LRCH3: variants seen among roughly 807,000 people sequenced by gnomAD.
The protein encoded by LRCH3 is leucine rich repeats and calponin homology domain containing 3, also known as DISP complex protein LRCH3.
LRCH3 carries 68 observed loss-of-function variants against 104.5 expected under a neutral mutation model. That is an observed-to-expected ratio of 0.65 (90% CI 0.54 to 0.80). The LOEUF (loss-of-function observed/expected upper bound fraction) is 0.80. LRCH3 is among the 30% of genes least tolerant of loss of function. The probability of loss-of-function intolerance (pLI) is 0.00; values close to 1 mark genes in which losing one functional copy is unlikely to be tolerated. For missense variants in LRCH3, 951 were observed against 953.9 expected (o/e 1.00, Z 0.04); for synonymous variants, 344 against 361.3 (o/e 0.95, Z 0.54).
At chr3:197,837,340 T>TA (rs542524615) in intron 9 of LRCH3, among the ~76,000 whole-genome samples, 102 of 152,284 alleles carry the variant, frequency 6.7e-4, no homozygotes, top group Admixed American at 2.4e-3. Context: ...TATACTACTA[T>TA]AAAAAAATAG....
intron 15 of LRCH3, chr3:197,859,434 C>A (rs1740632272): frequency 6.5e-6 from 1 of 154,136 alleles, no homozygotes; most frequent in African/African-American, 2.4e-5. Context: ...CATCATATAC[C>A]TACAAGCCTA....
intron 15 of LRCH3, 187 bp downstream of exon 15, chr3:197,859,092 G>T: frequency 1.7e-6 from 1 of 582,826 alleles, no homozygotes; most frequent in Non-Finnish European, 3.1e-6. Context: ...GCTAGAGATA[G>T]TCATAGAGCT....
chr3:197,810,729 G>GA lies in LRCH3; in HGVS notation c.263-4171dup, dbSNP rs984928134. Among the ~76,000 whole-genome samples, 8 of 150,946 alleles carry GA rather than the reference G, an allele frequency of 5.3e-5. No homozygotes were observed. Among genetic ancestry groups the GA allele is most frequent in the East Asian group, 1.9e-4 (1 of 5,132 alleles). On this transcript the variant is annotated intron_variant, in intron 1 of 20. Transcript: ENST00000425562. The surrounding 1 kb of genome is among the most constrained non-coding windows in gnomAD (Gnocchi z 4.0). ...ATTTAATTTTTTAAATTATTGTGGA[G>GA]AAAAAAAACAGAAAAAGGAAAAAGT...
At chr3:197,857,400 CACTG>C (rs1487181836) in intron 14 of LRCH3, among the ~76,000 whole-genome samples, 8 of 146,946 alleles carry the variant, frequency 5.4e-5, no homozygotes, top group Non-Finnish European at 9.1e-5. Flanking sequence ...ATATCAGTCA[CACTG>C]ACATTCTCTT....
At chr3:197,863,674 T>A (rs577544335) in intron 15 of LRCH3, among the ~76,000 whole-genome samples, 2 of 152,346 alleles carry the variant, frequency 1.3e-5, no homozygotes, top group South Asian at 4.1e-4. Flanking sequence ...TAGGTAAGCT[T>A]TGTAACTGTT....
In LRCH3 at chr3:197,835,634, G is replaced by GGT. The variant is rs372783553; in HGVS notation, c.1103-24_1103-23dup. On this transcript the variant is annotated intron_variant, in intron 8 of 20. Coordinates refer to ENST00000425562, the MANE Select transcript of LRCH3 (RefSeq NM_001365715.1). Reference sequence around the variant, plus strand: ...CTATCTAATTTGAATGTTTTTTTCTGGTGTGTGTGTGTGTGTGGGTGTGTG... The same window carrying GGT: ...CTATCTAATTTGAATGTTTTTTTCTGGTGTGTGTGTGTGTGTGTGGGTGTGTG... The GGT allele has an allele frequency of 0.01, 13,249 of 1,274,842 alleles. 591 individuals carry two copies. The African/African-American group carries it at 0.15, about 14-fold the overall frequency. The allele number at this position is 1,274,842 out of a possible 1,614,324, so 79.0% of individuals were successfully genotyped here. A position where few individuals can be genotyped will look rare whatever the true frequency, so the allele number is the denominator to read the frequency against.
intron 8 of LRCH3, among the ~76,000 whole-genome samples, chr3:197,833,216 G>A (rs1736196440): frequency 6.6e-6 from 1 of 152,046 alleles, no homozygotes; most frequent in South Asian, 2.1e-4. Flanking sequence ...TAATTATTGA[G>A]TATTTGAAAT....
intron 19 of LRCH3, chr3:197,871,668 G>T: frequency 1.8e-6 from 1 of 565,246 alleles, no homozygotes. Flanking sequence ...AGAAAGGCAT[G>T]TACAGTGTGT....
chr3:197,886,510 T>C lies in LRCH3; in HGVS notation c.*2844T>C, dbSNP rs538005087. On this transcript the variant is annotated 3_prime_UTR_variant, in exon 21 of 21. Coordinates refer to ENST00000425562, the MANE Select transcript of LRCH3 (RefSeq NM_001365715.1). Reference sequence around the variant, plus strand: ...AATTTAGCCATGTGCATTTTTAAACTGTGTTTGTCAACATTAAGCCTCAGT... The same window carrying C: ...AATTTAGCCATGTGCATTTTTAAACCGTGTTTGTCAACATTAAGCCTCAGT... The C allele has an allele frequency of 2.6e-5, 4 of 152,340 alleles. No homozygotes were observed. Among genetic ancestry groups the C allele is most frequent in the Admixed American group, 2.6e-4 (4 of 15,292 alleles). 9.4% of individuals were successfully genotyped at this position (152,340 alleles called of 1,614,324 possible).
chr3:197,859,984 A>C (rs1740693352), intron 15 of LRCH3, among the ~76,000 whole-genome samples: 1 of 152,102 alleles, frequency 6.6e-6, no homozygotes, highest in African/African-American at 2.4e-5. Flanking sequence ...GAGCTTGCTC[A>C]TTTAGGGTGA....
chr3:197,803,342 T>C (rs1173261647), intron 1 of LRCH3, among the ~76,000 whole-genome samples: 1 of 152,220 alleles, frequency 6.6e-6, no homozygotes, highest in East Asian at 1.9e-4. Flanking sequence ...GTGTTGTGCA[T>C]AGAATCACCT....
Position 197,885,435 on chromosome 3 carries a change from AC to A in LRCH3, c.*1773del. On this transcript the variant is annotated 3_prime_UTR_variant, in exon 21 of 21. Coordinates refer to ENST00000425562, the MANE Select transcript of LRCH3 (RefSeq NM_001365715.1). The stretch of plus-strand genomic sequence containing the variant: ...AGACCAGCCTGACCAACATGGAGAA[AC>A]CCCGTCTCTACTAAAAATACAAAAT... The A allele has an allele frequency of 6.6e-6, 1 of 151,850 alleles. No individual in the cohort carries two copies. Among genetic ancestry groups the A allele is most frequent in the East Asian group, 1.9e-4 (1 of 5,156 alleles). 9.4% of individuals were successfully genotyped at this position (151,850 alleles called of 1,614,324 possible).
chr3:197,837,068 T>C (rs841674), intron 9 of LRCH3, among the ~76,000 whole-genome samples: 150,153 of 152,230 alleles, frequency 0.99, 74,061 homozygotes, highest in East Asian at 1. Flanking sequence ...TAAAGAGACA[T>C]ACTTGTATTT....
In LRCH3 at chr3:197,880,003, T is replaced by C. The variant is rs1023916548; in HGVS notation, c.2209-3538T>C. 1.9e-4 allele frequency among the ~76,000 whole-genome samples: 29 copies of C among 150,164 alleles called. No individual in the cohort carries two copies. In the East Asian group the frequency reaches 3.1e-3, roughly 16 times the overall value. On this transcript the variant is annotated intron_variant, in intron 20 of 20. Coordinates refer to ENST00000425562, the MANE Select transcript of LRCH3 (RefSeq NM_001365715.1). ...CTCTGTCACCCAGGCTGGAGTGCGG[T>C]GGCGCGATCTCGGCTCACTGCAAGC...
rs901590249 is a variant in LRCH3, at chr3:197,885,256, C to A, written c.*1590C>A. The A allele has an allele frequency of 1.3e-5, 2 of 152,218 alleles. No homozygotes were observed. Among genetic ancestry groups the A allele is most frequent in the African/African-American group, 4.8e-5 (2 of 41,438 alleles). The allele number at this position is 152,218 out of a possible 1,614,324, so 9.4% of individuals were successfully genotyped here. On this transcript the variant is annotated 3_prime_UTR_variant, in exon 21 of 21. Coordinates refer to ENST00000425562, the MANE Select transcript of LRCH3 (RefSeq NM_001365715.1). ...CACATACACTTCTAGCTCGGAAAAGCCTAGTTTCTTGTATTTCTTTCAGGT... is the reference window on the plus strand; with the variant it reads ...CACATACACTTCTAGCTCGGAAAAGACTAGTTTCTTGTATTTCTTTCAGGT...
At chr3:197,808,322 A>G (rs931896135) in intron 1 of LRCH3, among the ~76,000 whole-genome samples, 1 of 152,236 alleles carries the variant, frequency 6.6e-6, no homozygotes, top group Admixed American at 6.5e-5. Flanking sequence ...TCTAGCCTCC[A>G]GAATTTGAGA....
rs988817191 is a variant in LRCH3 at position 197,885,402 on chromosome 3, G to A, written c.*1736G>A. The stretch of plus-strand genomic sequence containing the variant: ...GAGGCGGGCAGATCACCTGAAGTTG[G>A]GAGTTTGAGACCAGCCTGACCAACA... On this transcript the variant is annotated 3_prime_UTR_variant, in exon 21 of 21. Transcript: ENST00000425562. 3 of 152,204 alleles carry A rather than the reference G, an allele frequency of 2.0e-5. No homozygotes were observed. The highest frequency in any genetic ancestry group is 7.2e-5 in the African/African-American group (3 of 41,412). The allele number at this position is 152,204 out of a possible 1,614,324, so 9.4% of individuals were successfully genotyped here.
intron 7 of LRCH3, chr3:197,831,113 CAG>C (rs1371407493): frequency 8.3e-6 from 3 of 361,156 alleles, no homozygotes; most frequent in African/African-American, 6.3e-5. Flanking sequence ...GAAAGGCAAA[CAG>C]GAGCTGAGCC....
chr3:197,855,052 G>A (rs60837154), intron 14 of LRCH3, among the ~76,000 whole-genome samples: 260 of 152,132 alleles, frequency 1.7e-3, no homozygotes, highest in African/African-American at 3.9e-3. Flanking sequence ...TTAGCCTTGC[G>A]AAAGAATTCT....
Sources: allele counts gnomAD v4.1 joint callset (sites outside exome capture counted in the v4.1 genomes callset), GRCh38; gene constraint gnomAD v4.1.1; non-coding constraint Gnocchi (gnomAD v3.1); transcripts MANE v1.5; gene names NCBI Gene and HGNC (gene_info 2026-07-23, HGNC 2026-07-21).